Variants in CHRD observed in about 807,000 individuals in gnomAD.
CHRD encodes chordin.
In CHRD, 69 loss-of-function variants were observed where a neutral mutation model predicts 113.7. The observed-to-expected ratio is 0.61, with a 90% CI of 0.50 to 0.74. The LOEUF is 0.74. Ranked by LOEUF, CHRD falls within the 30% of genes least tolerant of loss-of-function variation. CHRD has a pLI of 0.00. For missense variants in CHRD, 1,194 were observed against 1,295.8 expected, an observed-to-expected ratio of 0.92 and a Z score of 1.21; for synonymous variants, 561 against 540.8, an observed-to-expected ratio of 1.04 and a Z score of -0.52.
rs1020162871 is a variant in CHRD, at chr3:184,384,534, C to T, written c.1441-3C>T. ...GAGAAGGCCTATCCTCCCCTGCCCC[C>T]AGGCCGTGGGTATCTGCCCTGGGCT... On this transcript the variant is annotated splice_polypyrimidine_tract_variant and splice_region_variant and intron_variant, in intron 12 of 22. Coordinates refer to ENST00000204604, the Ensembl canonical transcript of CHRD. The surrounding 1 kb of genome is among the most constrained non-coding windows in gnomAD (Gnocchi z 4.4). 2 of 1,522,794 alleles carry T rather than the reference C, an allele frequency of 1.3e-6. No individual in the cohort carries two copies. The highest frequency in any genetic ancestry group is 2.8e-5 in the African/African-American group (2 of 72,354). 94.3% of individuals were successfully genotyped at this position (1,522,794 alleles called of 1,614,324 possible). A position where few individuals can be genotyped will look rare whatever the true frequency, so the allele number is the denominator to read the frequency against.
exon 12 of CHRD, chr3:184,383,552 G>A: frequency 6.2e-7 from 1 of 1,614,130 alleles, no homozygotes; most frequent in Non-Finnish European, 8.5e-7. Flanking sequence ...GCAGTGAGGT[G>A]GTGGCCATGA....
intron 10 of CHRD, 30 bp downstream of exon 10, chr3:184,383,193 G>A: frequency 6.3e-7 from 1 of 1,593,208 alleles, no homozygotes; most frequent in African/African-American, 1.3e-5. Flanking sequence ...TGGTGCGCCG[G>A]GCATGCACAA....
chr3:184,381,472 G>T lies in CHRD; in HGVS notation c.383-24G>T. On this transcript the variant is annotated intron_variant, in intron 3 of 22. Transcript: ENST00000204604. This position sits in a 1 kb window ranked among gnomAD's most constrained non-coding sequence, Gnocchi z 4.7. Reference sequence around the variant, plus strand: ...CCTTTCCCATGGCCAGCTGAAGCCCGTGTTCTTACCCCCCCGCCCGCAGAG... The same window carrying T: ...CCTTTCCCATGGCCAGCTGAAGCCCTTGTTCTTACCCCCCCGCCCGCAGAG... 4 of 1,587,844 alleles carry T rather than the reference G, an allele frequency of 2.5e-6. No individual in the cohort carries two copies. Among genetic ancestry groups the T allele is most frequent in the East Asian group, 4.5e-5 (2 of 44,568 alleles).
In CHRD at chr3:184,381,083, C is replaced by A; in HGVS notation, c.253-152C>A. The A allele has an allele frequency of 1.1e-6, 1 of 893,952 alleles. No homozygotes were observed. The highest frequency in any genetic ancestry group is 1.8e-6 in the Non-Finnish European group (1 of 543,980). 55.4% of individuals were successfully genotyped at this position (893,952 alleles called of 1,614,324 possible). Reference sequence around the variant, plus strand: ...ATTATCCCCATTTTCCAGACAGGGACCTTGAGGCCCAGAGAGATGAAGTAG... The same window carrying A: ...ATTATCCCCATTTTCCAGACAGGGAACTTGAGGCCCAGAGAGATGAAGTAG... On this transcript the variant is annotated intron_variant, in intron 2 of 22. Transcript: ENST00000204604. This position sits in a 1 kb window ranked among gnomAD's most constrained non-coding sequence, Gnocchi z 4.7.
Position 184,381,141 on chromosome 3 carries a change from G to A in CHRD, c.253-94G>A. 1 of 1,436,494 alleles carries A rather than the reference G, an allele frequency of 7.0e-7. No individual in the cohort carries two copies. The highest frequency in any genetic ancestry group is 1.7e-4 in the Middle Eastern group (1 of 5,736). The allele number at this position is 1,436,494 out of a possible 1,614,324, so 89.0% of individuals were successfully genotyped here. A position where few individuals can be genotyped will look rare whatever the true frequency, so the allele number is the denominator to read the frequency against. On this transcript the variant is annotated intron_variant, in intron 2 of 22. Coordinates refer to ENST00000204604, the Ensembl canonical transcript of CHRD. This position sits in a 1 kb window ranked among gnomAD's most constrained non-coding sequence, Gnocchi z 4.7. ...AGGGTCACGCAGCTTGTAAGTGGCA[G>A]AGCTGGCTGACTCTGCGGGACATCC... is the stretch of plus-strand genomic sequence containing the variant.
At chr3:184,385,278 G>C in intron 14 of CHRD, 40 bp downstream of exon 14, 1 of 1,522,554 alleles carries the variant, frequency 6.6e-7, no homozygotes, top group Non-Finnish European at 9.1e-7. Context: ...GAACATTTCT[G>C]TTTTTTAGCT....
Position 184,380,679 on chromosome 3 carries a change from C to G in CHRD, c.149-13C>G, listed in dbSNP as rs764938722. 5 of 1,570,432 alleles carry G rather than the reference C, an allele frequency of 3.2e-6. No individual in the cohort carries two copies. The South Asian group carries it at 4.6e-5, about 14-fold the overall frequency. ...AGCTGGGCAGCGGCCTCCAGCCAAG[C>G]CCGTCCCCGCAGGCTGCACCTTCGG... On this transcript the variant is annotated splice_polypyrimidine_tract_variant and intron_variant, in intron 1 of 22. Transcript: ENST00000204604. The surrounding 1 kb of genome is among the most constrained non-coding windows in gnomAD (Gnocchi z 6.3).
chr3:184,386,337 T>C (rs1716275898), intron 15 of CHRD, 155 bp from the exon 16 acceptor site: 2 of 1,278,102 alleles, frequency 1.6e-6, no homozygotes, highest in East Asian at 5.1e-5. Context: ...CGGCACCCTA[T>C]CCCTGGCAGC....
rs1308461330 is a variant in CHRD, at chr3:184,381,354, C to G, written c.372C>G (p.Thr124=). 6.3e-7 allele frequency: 1 copy of G among 1,596,232 alleles called. No homozygotes were observed. The highest frequency in any genetic ancestry group is 8.5e-7 in the Non-Finnish European group (1 of 1,171,676). ...AGCTGCCGGGACACTGCTGCCAGAC[C>G]TGCCCCCAGGGTAAGTCTTGCTCCG... is the stretch of plus-strand genomic sequence containing the variant. The change falls in exon 3 of 23, where the codon ACC becomes ACG. Residue 124 remains threonine (T), a synonymous_variant. Coordinates refer to ENST00000204604, the Ensembl canonical transcript of CHRD. The surrounding 1 kb of genome is among the most constrained non-coding windows in gnomAD (Gnocchi z 4.7).
rs1716639562 is a variant in CHRD, at chr3:184,388,245, ATCC to A, written c.2554+213_2554+215del. Among the ~76,000 whole-genome samples the A allele has an allele frequency of 4.1e-5, 5 of 121,304 alleles. No individual in the cohort carries two copies. In the Admixed American group the frequency reaches 5.1e-4, roughly 12 times the overall value. 79.6% of individuals were successfully genotyped at this position (121,304 alleles called of 152,430 possible). ...TCCTGCTCCATCCATCCGTCCATCC[ATCC>A]ATCCATCCATCCATCCATCCATCCA... On this transcript the variant is annotated intron_variant, in intron 20 of 22. Transcript: ENST00000204604. The surrounding 1 kb of genome is among the most constrained non-coding windows in gnomAD (Gnocchi z 6.1).
Position 184,381,471 on chromosome 3 carries a change from C to A in CHRD, c.383-25C>A. 6.3e-7 allele frequency: 1 copy of A among 1,587,606 alleles called. No individual in the cohort carries two copies. The highest frequency in any genetic ancestry group is 1.1e-5 in the South Asian group (1 of 87,990). On this transcript the variant is annotated intron_variant, in intron 3 of 22. Coordinates refer to ENST00000204604, the Ensembl canonical transcript of CHRD. This position sits in a 1 kb window ranked among gnomAD's most constrained non-coding sequence, Gnocchi z 4.7. ...GCCTTTCCCATGGCCAGCTGAAGCC[C>A]GTGTTCTTACCCCCCCGCCCGCAGA...
chr3:184,382,510 G>GGCACC lies in CHRD; in HGVS notation c.823_827dup (p.Ala277ThrfsTer13), dbSNP rs1715599458. 1 of 1,613,784 alleles carries GGCACC rather than the reference G, an allele frequency of 6.2e-7. No individual in the cohort carries two copies. Among genetic ancestry groups the GGCACC allele is most frequent in the South Asian group, 1.1e-5 (1 of 91,082 alleles). ...GGGGAGGTCTGGGGGCCTCTCATCC[G>GGCACC]GCACCGGGCCCTGGCTGCAGGTAGG... On this transcript the variant is annotated frameshift_variant, in exon 7 of 23. Transcript: ENST00000204604. LOFTEE classifies it high-confidence loss of function.
chr3:184,384,872 C>T lies in CHRD; in HGVS notation c.1598-146C>T, dbSNP rs1716039612. ...CTTCCTGTTGCTGAGGTTCAAGGGT[C>T]TAAAACTTGCTGCTCTCCAGGCCCT... is the stretch of plus-strand genomic sequence containing the variant. On this transcript the variant is annotated intron_variant, in intron 13 of 22. Coordinates refer to ENST00000204604, the Ensembl canonical transcript of CHRD. The surrounding 1 kb of genome is among the most constrained non-coding windows in gnomAD (Gnocchi z 4.4). The T allele has an allele frequency of 2.5e-6, 3 of 1,194,248 alleles. No individual in the cohort carries two copies. The highest frequency in any genetic ancestry group is 3.5e-6 in the Non-Finnish European group (3 of 845,352). 74.0% of individuals were successfully genotyped at this position (1,194,248 alleles called of 1,614,324 possible).
chr3:184,382,594 GA>G, intron 7 of CHRD, 39 bp from the exon 8 acceptor site: 1 of 1,610,706 alleles, frequency 6.2e-7, no homozygotes, highest in Non-Finnish European at 8.5e-7. Context: ...GAAAGGGGGG[GA>G]GGGTTTCTGA....
At position 184,387,779 on chromosome 3, in the gene CHRD, T is replaced by C; in HGVS notation, c.2452-152T>C. 1.4e-6 allele frequency: 1 copy of C among 704,306 alleles called. No individual in the cohort carries two copies. 43.6% of individuals were successfully genotyped at this position (704,306 alleles called of 1,614,324 possible). A position where few individuals can be genotyped will look rare whatever the true frequency, so the allele number is the denominator to read the frequency against. On this transcript the variant is annotated intron_variant, in intron 19 of 22. Transcript: ENST00000204604. The surrounding 1 kb of genome is among the most constrained non-coding windows in gnomAD (Gnocchi z 6.1). ...TGGCACCTACCTTGCAGGGTTCTGA[T>C]GAGGAGCTGAGTTTAGGTCTATAAA...
chr3:184,389,135 C>T, intron 22 of CHRD, 140 bp downstream of exon 22: 1 of 679,948 alleles, frequency 1.5e-6, no homozygotes, highest in Non-Finnish European at 2.5e-6. Context: ...TCCACCCTCA[C>T]AGCAACCTGG....
In CHRD at chr3:184,388,745, A is replaced by G. The variant is rs772065577; in HGVS notation, c.2709+4A>G. The G allele has an allele frequency of 6.2e-7, 1 of 1,613,820 alleles. No homozygotes were observed. The highest frequency in any genetic ancestry group is 8.5e-7 in the Non-Finnish European group (1 of 1,179,924). On this transcript the variant is annotated splice_donor_region_variant and intron_variant, in intron 21 of 22. Coordinates refer to ENST00000204604, the Ensembl canonical transcript of CHRD. This position sits in a 1 kb window ranked among gnomAD's most constrained non-coding sequence, Gnocchi z 6.1. ...CTGTATCACCTGCAGATGTGGGGTAAGTGGGGAGCAGAGGCTTGTGTGAGG... is the reference window on the plus strand; with the variant it reads ...CTGTATCACCTGCAGATGTGGGGTAGGTGGGGAGCAGAGGCTTGTGTGAGG...
Position 184,388,389 on chromosome 3 carries a change from ATCCATCCATC to A in CHRD, c.2555-197_2555-188del, listed in dbSNP as rs1170780808. 2.0e-5 allele frequency among the ~76,000 whole-genome samples: 1 copy of A among 49,344 alleles called. No individual in the cohort carries two copies. The highest frequency in any genetic ancestry group is 4.8e-5 in the Non-Finnish European group (1 of 20,688). The allele number at this position is 49,344 out of a possible 152,430, so 32.4% of individuals were successfully genotyped here. A position where few individuals can be genotyped will look rare whatever the true frequency, so the allele number is the denominator to read the frequency against. ...CATCCACCCATCCACCCATTGATGC[ATCCATCCATC>A]CATCCATCCATCCATCCATCCATCC... On this transcript the variant is annotated intron_variant, in intron 20 of 22. Coordinates refer to ENST00000204604, the Ensembl canonical transcript of CHRD. The surrounding 1 kb of genome is among the most constrained non-coding windows in gnomAD (Gnocchi z 6.1).
chr3:184,383,775 CT>C (rs58835715), intron 12 of CHRD, 133 bp downstream of exon 12: 46,874 of 421,648 alleles, frequency 0.11, 3 homozygotes, highest in East Asian at 0.15. Flanking sequence ...ATTCATTTGA[CT>C]TTTTTTTTTT....
Sources: allele counts gnomAD v4.1 joint callset (sites outside exome capture counted in the v4.1 genomes callset), GRCh38; gene constraint gnomAD v4.1.1; non-coding constraint Gnocchi (gnomAD v3.1); transcripts MANE v1.5; gene names NCBI Gene and HGNC (gene_info 2026-07-23, HGNC 2026-07-21).